SCN1A: variants seen among roughly 807,000 people sequenced by gnomAD.
The protein encoded by SCN1A is sodium voltage-gated channel alpha subunit 1, also known as sodium channel protein type 1 subunit alpha.
A neutral mutation model predicts 193.7 loss-of-function variants in SCN1A; 13 were observed. The observed-to-expected ratio is 0.07, with a 90% confidence interval of 0.04 to 0.11. The LOEUF (loss-of-function observed/expected upper bound fraction) is 0.11, where lower values mean the gene tolerates loss of function less well. Ranked by LOEUF, SCN1A falls within the 10% of genes least tolerant of loss-of-function variation. The pLI, the probability that SCN1A is intolerant of heterozygous loss-of-function variation, is 1.00. For synonymous variants in SCN1A, 781 were observed against 843.6 expected (o/e 0.93, Z 1.29); for missense variants, 1,432 against 2,451.1 (o/e 0.58, Z 8.78).
chr2:166,046,859 T>G lies in SCN1A; in HGVS notation c.1288A>C (p.Asn430His), dbSNP rs925271760. The part of the protein sequence containing the change: ...AVVAMAYEEQ[N>H]QATLEEAEQK... ...TCTGCTTCTTCCAAGGTGGCCTGAT[T>G]CTGTTCCTCGTAGGCCATGGCCACC... is the stretch of plus-strand genomic sequence containing the variant. The change falls in exon 12 of 29, where the codon AAT (asparagine) becomes CAT (histidine). Residue 430 changes from asparagine (N) to histidine (H), a missense_variant. Asn to His is a moderately conservative substitution (Grantham distance 68). This residue lies in a region of SCN1A where 58 missense variants were observed against 103.4 expected (regional missense o/e 0.56). Coordinates refer to ENST00000674923, the MANE Select transcript of SCN1A (RefSeq NM_001165963.4). The G allele has an allele frequency of 1.9e-6, 3 of 1,614,028 alleles. No individual in the cohort carries two copies. Among genetic ancestry groups the G allele is most frequent in the East Asian group, 2.2e-5 (1 of 44,872 alleles).
rs540109112 is a variant in SCN1A, at chr2:166,003,141, A to G, written c.4003-388T>C. Among the ~76,000 whole-genome samples, 25 of 151,662 alleles carry G rather than the reference A, an allele frequency of 1.6e-4. No individual in the cohort carries two copies. In the South Asian group the frequency reaches 5.2e-3, roughly 31 times the overall value. ...ACTCATTTTAAAAAGGCAATATATT[A>G]AAGAACAAAACTAAAACATTTGGAC... On this transcript the variant is annotated intron_variant, in intron 23 of 28. Transcript: ENST00000674923.
At chr2:166,071,143 T>A (rs543387809) in intron 4 of SCN1A, among the ~76,000 whole-genome samples, 1 of 152,318 alleles carries the variant, frequency 6.6e-6, no homozygotes, top group South Asian at 2.1e-4. Context: ...AACACATCAG[T>A]CTTCACTTCA....
At chr2:166,101,405 T>C (rs1236264518) in intron 2 of SCN1A, among the ~76,000 whole-genome samples, 1 of 147,970 alleles carries the variant, frequency 6.8e-6, no homozygotes, top group African/African-American at 2.5e-5. Context: ...ATATACCTAA[T>C]GCTGGATGAC....
At position 166,031,938 on chromosome 2, in the gene SCN1A, A is replaced by G. The variant is rs554821296; in HGVS notation, c.3429+4110T>C. Among the ~76,000 whole-genome samples the G allele has an allele frequency of 5.1e-4, 77 of 152,246 alleles. 1 individual carries two copies. Among genetic ancestry groups the G allele is most frequent in the African/African-American group, 1.8e-3 (76 of 41,564 alleles). On this transcript the variant is annotated intron_variant, in intron 19 of 28. Coordinates refer to ENST00000674923, the MANE Select transcript of SCN1A (RefSeq NM_001165963.4). ...CAGAGTATAACCATTTACCAACTTTATAACTGTGGCCTCACATGTCTAAAA... is the reference window on the plus strand; with the variant it reads ...CAGAGTATAACCATTTACCAACTTTGTAACTGTGGCCTCACATGTCTAAAA...
At position 166,038,250 on chromosome 2, in the gene SCN1A, C is replaced by T. The variant is rs1445491668; in HGVS notation, c.2590-118G>A. The T allele has an allele frequency of 9.9e-6, 8 of 810,328 alleles. No homozygotes were observed. The East Asian group carries it at 1.3e-4, about 14-fold the overall frequency. 50.2% of individuals were successfully genotyped at this position (810,328 alleles called of 1,614,324 possible). ...TCTTACAATATCTGATCTGCCCTAA[C>T]CGTCTCAGGCTCATGGCTAATTTTT... is the stretch of plus-strand genomic sequence containing the variant. On this transcript the variant is annotated intron_variant, in intron 17 of 28. Transcript: ENST00000674923.
At chr2:166,120,407 A>G (rs909213505) in intron 2 of SCN1A, among the ~76,000 whole-genome samples, 2 of 150,960 alleles carry the variant, frequency 1.3e-5, no homozygotes, top group South Asian at 2.1e-4. Context: ...TCCTAGATAT[A>G]TATGTTTGTA....
At chr2:166,049,270 T>C (rs920621358) in intron 9 of SCN1A, among the ~76,000 whole-genome samples, 1 of 151,978 alleles carries the variant, frequency 6.6e-6, no homozygotes, top group Non-Finnish European at 1.5e-5. Flanking sequence ...TAACATAATC[T>C]TTCAAAAAGG....
At chr2:166,040,453 A>G (rs1410150410) in intron 16 of SCN1A, among the ~76,000 whole-genome samples, 1 of 152,216 alleles carries the variant, frequency 6.6e-6, no homozygotes, top group African/African-American at 2.4e-5. Context: ...TGTAGTATAA[A>G]TAGTAGAACT....
intron 2 of SCN1A, among the ~76,000 whole-genome samples, chr2:166,122,417 T>G (rs530610241): frequency 2.6e-5 from 4 of 152,344 alleles, no homozygotes; most frequent in African/African-American, 7.2e-5. Context: ...AAGAAACATT[T>G]TGTTGTGAAG....
Position 166,041,478 on chromosome 2 carries a change from A to AG in SCN1A, c.2177-10dup, listed in dbSNP as rs774232184. Reference sequence around the variant, plus strand: ...CCTGGATTCTTCAAGTTCTAGATTAAGAAAAAAAAAAAAAAGAACCACCAA... The same window carrying AG: ...CCTGGATTCTTCAAGTTCTAGATTAAGGAAAAAAAAAAAAAAGAACCACCAA... On this transcript the variant is annotated splice_polypyrimidine_tract_variant and intron_variant, in intron 15 of 28. Coordinates refer to ENST00000674923, the MANE Select transcript of SCN1A (RefSeq NM_001165963.4). 3.6e-6 allele frequency: 5 copies of AG among 1,395,136 alleles called. No individual in the cohort carries two copies. The highest frequency in any genetic ancestry group is 4.1e-5 in the Admixed American group (2 of 49,176). 86.4% of individuals were successfully genotyped at this position (1,395,136 alleles called of 1,614,324 possible).
intron 2 of SCN1A, among the ~76,000 whole-genome samples, chr2:166,082,336 T>C (rs1366719330): frequency 6.6e-6 from 1 of 152,032 alleles, no homozygotes. Flanking sequence ...TTTTATTTTC[T>C]AACTCCCAAA....
chr2:166,032,222 C>CAA, intron 19 of SCN1A, among the ~76,000 whole-genome samples: 1 of 152,120 alleles, frequency 6.6e-6, no homozygotes, highest in Admixed American at 6.6e-5. Flanking sequence ...CACACACACA[C>CAA]ACACACACAC....
chr2:166,148,383 C>T (rs973484634), intron 1 of SCN1A, among the ~76,000 whole-genome samples: 2 of 152,108 alleles, frequency 1.3e-5, no homozygotes, highest in Non-Finnish European at 2.9e-5. Context: ...ACAGAATCAG[C>T]GCTATATTGT....
intron 23 of SCN1A, 147 bp downstream of exon 23, chr2:166,009,572 A>G (rs1692131507): frequency 1.7e-6 from 1 of 598,080 alleles, no homozygotes; most frequent in Middle Eastern, 4.9e-4. Context: ...ATCACCTAGA[A>G]GTAAATATGC....
chr2:166,132,306 A>G (rs1228744396), upstream of SCN1A, among the ~76,000 whole-genome samples: 1 of 152,002 alleles, frequency 6.6e-6, no homozygotes, highest in Non-Finnish European at 1.5e-5. Flanking sequence ...AAAGCACACT[A>G]CTGATGTGAT....
chr2:166,120,439 T>C (rs1690420277), intron 2 of SCN1A, among the ~76,000 whole-genome samples: 2 of 151,396 alleles, frequency 1.3e-5, no homozygotes, highest in African/African-American at 4.9e-5. Context: ...AATATACTAT[T>C]ATAACCTGGG....
chr2:166,029,554 C>T (rs761140000), intron 19 of SCN1A, among the ~76,000 whole-genome samples: 3 of 151,792 alleles, frequency 2.0e-5, no homozygotes, highest in South Asian at 2.1e-4. Context: ...ACCCATATAA[C>T]GTAAGATAAA....
chr2:166,074,699 G>T (rs1390471093), intron 3 of SCN1A, among the ~76,000 whole-genome samples: 4 of 152,162 alleles, frequency 2.6e-5, no homozygotes, highest in Non-Finnish European at 4.4e-5. Context: ...AGCCTAAGCT[G>T]CCACTTGGCC....
chr2:166,118,641 T>A (rs907581827), intron 2 of SCN1A, among the ~76,000 whole-genome samples: 1 of 152,092 alleles, frequency 6.6e-6, no homozygotes. Flanking sequence ...CTGGCCTTTT[T>A]AAGTGGCATA....
Sources: allele counts gnomAD v4.1 joint callset (sites outside exome capture counted in the v4.1 genomes callset), GRCh38; gene constraint gnomAD v4.1.1; regional missense constraint gnomAD v4.1.1; transcripts MANE v1.5; gene names NCBI Gene and HGNC (gene_info 2026-07-23, HGNC 2026-07-21).